Variants in ZMYM2 observed in about 807,000 individuals in gnomAD.
ZMYM2 encodes the protein zinc finger MYM-type containing 2, also known as zinc finger MYM-type protein 2.
In ZMYM2, 56 loss-of-function variants were observed where a neutral mutation model predicts 162.8. The observed-to-expected ratio is 0.34, with a 90% CI of 0.28 to 0.43. ZMYM2 has a LOEUF of 0.43. Among genes scored for constraint, ZMYM2 ranks in the 20% least tolerant of loss-of-function variants. The probability of loss-of-function intolerance (pLI) is 1.00; values close to 1 mark genes in which losing one functional copy is unlikely to be tolerated. For synonymous variants in ZMYM2, 510 were observed against 541.6 expected (o/e 0.94, Z 0.81); for missense variants, 1,275 against 1,621.8 (o/e 0.79, Z 3.67).
At chr13:19,924,159 C>A in the ZMYM2 span, among the ~76,000 whole-genome samples, 2 of 152,138 alleles carry the variant, frequency 1.3e-5, no homozygotes, top group Admixed American at 1.3e-4. Flanking sequence ...ATTCTATGTT[C>A]ATTGAACAAC....
At chr13:19,888,117 G>A in the ZMYM2 span, among the ~76,000 whole-genome samples, 1 of 151,706 alleles carries the variant, frequency 6.6e-6, no homozygotes, top group South Asian at 2.1e-4. Flanking sequence ...GGGCTCAAGT[G>A]ATCCTCCTAG....
At chr13:19,996,719 A>T (rs764410683) in intron 3 of ZMYM2, among the ~76,000 whole-genome samples, 6 of 152,074 alleles carry the variant, frequency 3.9e-5, no homozygotes, top group Non-Finnish European at 8.8e-5. Context: ...TCTGTCTCAA[A>T]AAACAAAACA....
chr13:20,038,714 A>G (rs370537558), intron 12 of ZMYM2, among the ~76,000 whole-genome samples: 2 of 151,448 alleles, frequency 1.3e-5, no homozygotes, highest in South Asian at 2.1e-4. Context: ...TGATTCCTCC[A>G]GCTTTGTTCT....
chr13:19,870,902 C>T, the ZMYM2 span, among the ~76,000 whole-genome samples: 1 of 152,084 alleles, frequency 6.6e-6, no homozygotes, highest in Admixed American at 6.6e-5. Flanking sequence ...GCTGGGATTA[C>T]AGGCTTGAAC....
In ZMYM2 at chr13:20,034,344, GAGAAGA is replaced by G; in HGVS notation, c.2060_2065del (p.Glu687_Thr689delinsAla). 1 of 1,610,802 alleles carries G rather than the reference GAGAAGA, an allele frequency of 6.2e-7. No homozygotes were observed. The highest frequency in any genetic ancestry group is 1.7e-5 in the Admixed American group (1 of 59,458). Reference sequence around the variant, plus strand: ...TACATATTGCGAATACTGTCAAGAGGAGAAGACTCTTCATGAAACAGTAAATTTCTC... The same window carrying G: ...TACATATTGCGAATACTGTCAAGAGGCTCTTCATGAAACAGTAAATTTCTC... On this transcript the variant is annotated inframe_deletion, in exon 11 of 25. Transcript: ENST00000610343.
At chr13:19,941,720 C>CTTTT in the ZMYM2 span, among the ~76,000 whole-genome samples, 111 of 62,944 alleles carry the variant, frequency 1.8e-3, 4 homozygotes, top group East Asian at 2.2e-3. Context: ...TGGCTTTCTG[C>CTTTT]TTTTTTTTTT....
intron 2 of ZMYM2, among the ~76,000 whole-genome samples, chr13:19,977,576 C>G (rs2139412076): frequency 6.6e-6 from 1 of 151,008 alleles, no homozygotes; most frequent in East Asian, 1.9e-4. Flanking sequence ...CACTGCAAGC[C>G]CTGCCTCCCG....
the ZMYM2 span, among the ~76,000 whole-genome samples, chr13:19,880,299 C>T: frequency 6.6e-6 from 1 of 152,198 alleles, no homozygotes; most frequent in Non-Finnish European, 1.5e-5. Context: ...AGTTCATGAA[C>T]ACGGAATGTC....
chr13:19,895,701 C>A, the ZMYM2 span, among the ~76,000 whole-genome samples: 1 of 151,782 alleles, frequency 6.6e-6, no homozygotes, highest in Non-Finnish European at 1.5e-5. Flanking sequence ...AAGGCCCCAC[C>A]TCTCAATACT....
the ZMYM2 span, among the ~76,000 whole-genome samples, chr13:19,879,196 C>A: frequency 1.3e-5 from 2 of 152,134 alleles, no homozygotes; most frequent in Non-Finnish European, 2.9e-5. Flanking sequence ...CAACTTCATT[C>A]TTCTGCATGT....
intron 3 of ZMYM2, 69 bp downstream of exon 3, chr13:19,993,988 T>C: frequency 1.3e-6 from 2 of 1,503,342 alleles, no homozygotes; most frequent in South Asian, 1.3e-5. Context: ...TTTTTCATTG[T>C]AGTAACTGGT....
At chr13:19,989,583 C>G (rs955021467) in intron 2 of ZMYM2, among the ~76,000 whole-genome samples, 2 of 152,164 alleles carry the variant, frequency 1.3e-5, no homozygotes, top group African/African-American at 4.8e-5. Flanking sequence ...ATGAGATGTT[C>G]TGATACAGGC....
chr13:20,058,890 G>A, intron 15 of ZMYM2, 186 bp downstream of exon 15: 1 of 810,722 alleles, frequency 1.2e-6, no homozygotes, highest in Non-Finnish European at 2.1e-6. Context: ...AAATCATTAT[G>A]ATCAATCTCT....
At chr13:19,979,035 C>T (rs9508987) in intron 2 of ZMYM2, among the ~76,000 whole-genome samples, 14 of 151,580 alleles carry the variant, frequency 9.2e-5, no homozygotes, top group African/African-American at 3.4e-4. Context: ...AGATTTTTTT[C>T]CCCCCTCTTT....
intron 11 of ZMYM2, 95 bp downstream of exon 11, chr13:20,034,499 T>A: frequency 1.7e-6 from 2 of 1,208,682 alleles, no homozygotes; most frequent in South Asian, 5.7e-5. Context: ...AATTTTAATG[T>A]AGCTGAACAA....
chr13:20,048,281 T>C (rs975097795), intron 12 of ZMYM2, among the ~76,000 whole-genome samples: 1 of 61,696 alleles, frequency 1.6e-5, no homozygotes, highest in African/African-American at 4.9e-5. Context: ...TATAAACAGC[T>C]ATATCCATTT....
At chr13:19,970,170 C>CCTT (rs1264597806) in intron 2 of ZMYM2, 27 of 522,466 alleles carry the variant, frequency 5.2e-5, no homozygotes, top group Non-Finnish European at 6.4e-5. Context: ...ATTTGGAACA[C>CCTT]CAACAAGTGG....
At chr13:19,963,440 A>C (rs1020532722) in intron 2 of ZMYM2, among the ~76,000 whole-genome samples, 4 of 152,192 alleles carry the variant, frequency 2.6e-5, no homozygotes, top group African/African-American at 9.7e-5. Context: ...AAATCCATGA[A>C]TTTGAGTGCA....
chr13:19,919,848 T>C, the ZMYM2 span, among the ~76,000 whole-genome samples: 8 of 152,184 alleles, frequency 5.3e-5, no homozygotes, highest in South Asian at 1.7e-3. Context: ...CCGATTTTTG[T>C]ATTTTTAGTA....
Sources: allele counts gnomAD v4.1 joint callset (sites outside exome capture counted in the v4.1 genomes callset), GRCh38; gene constraint gnomAD v4.1.1; transcripts MANE v1.5; gene names NCBI Gene and HGNC (gene_info 2026-07-23, HGNC 2026-07-21).